PPM1J: variants seen among roughly 807,000 people sequenced by gnomAD.
The protein encoded by PPM1J is protein phosphatase 1J.
PPM1J carries 43 observed loss-of-function variants against 53.3 expected under a neutral mutation model. That is an observed-to-expected ratio of 0.81 (90% confidence interval 0.63 to 1.04). PPM1J has a LOEUF of 1.04. Among genes scored for constraint, PPM1J ranks in the 50% least tolerant of loss-of-function variants. The probability of loss-of-function intolerance (pLI) is 0.00; values close to 1 mark genes in which losing one functional copy is unlikely to be tolerated. For synonymous variants in PPM1J, 267 were observed against 286.4 expected, an observed-to-expected ratio of 0.93 and a Z score of 0.68; for missense variants, 635 against 685.9, an observed-to-expected ratio of 0.93 and a Z score of 0.83.
At chr1:112,714,527 G>A in intron 1 of PPM1J, 1 of 992,442 alleles carries the variant, frequency 1.0e-6, no homozygotes, top group Non-Finnish European at 1.2e-6. Flanking sequence ...TACGGTAAGA[G>A]GGACAGGGAA....
Position 112,711,686 on chromosome 1 carries a change from CG to C in PPM1J, c.927+284del, listed in dbSNP as rs1557783293. Among the ~76,000 whole-genome samples, 5 of 152,178 alleles carry C rather than the reference CG, an allele frequency of 3.3e-5. No individual in the cohort carries two copies. The South Asian group carries it at 1.0e-3, about 31-fold the overall frequency. On this transcript the variant is annotated intron_variant, in intron 5 of 9. Coordinates refer to ENST00000309276, the MANE Select transcript of PPM1J (RefSeq NM_005167.7). ...AGCCACATGCGTTTAGGCACTAAGC[CG>C]GACTGCCTTTCAGGGGCCTTTGCTG...
intron 1 of PPM1J, chr1:112,714,772 G>A (rs1675157099): frequency 3.2e-6 from 4 of 1,265,866 alleles, no homozygotes; most frequent in Admixed American, 4.2e-5. Context: ...GGAAGGACGT[G>A]AAGAAGGTGA....
chr1:112,714,132 A>G, intron 1 of PPM1J: 2 of 1,001,938 alleles, frequency 2.0e-6, no homozygotes, highest in South Asian at 8.5e-5. Context: ...AGATCGGGAA[A>G]GAGGAACTGA....
chr1:112,710,931 T>G, intron 7 of PPM1J, 77 bp downstream of exon 7: 1 of 1,572,078 alleles, frequency 6.4e-7, no homozygotes, highest in Non-Finnish European at 8.8e-7. Context: ...ACCCCTACCC[T>G]CAGGTAGAAC....
At position 112,712,045 on chromosome 1, in the gene PPM1J, CAAT is replaced by C. The variant is rs1557783463; in HGVS notation, c.850_852del (p.Ile284del). 8 of 1,609,048 alleles carry C rather than the reference CAAT, an allele frequency of 5.0e-6. No homozygotes were observed. Among genetic ancestry groups the C allele is most frequent in the East Asian group, 2.2e-5 (1 of 44,738 alleles). ...ATTGGAATGATTTCACCATTCCGGA[CAAT>C]GATGGCCCTGCCCAAAGAAAGAAAA... On this transcript the variant is annotated inframe_deletion, in exon 5 of 10. Transcript: ENST00000309276.
Position 112,711,329 on chromosome 1 carries a change from C to T in PPM1J, c.983G>A (p.Arg328His), listed in dbSNP as rs748270752. ...CCCCAGCTCCTTGGGCAGAACTCTGCGGGGGAACTCAAGGTGGGTGAATTC... is the reference window on the plus strand; with the variant it reads ...CCCCAGCTCCTTGGGCAGAACTCTGTGGGGGAACTCAAGGTGGGTGAATTC... ...GSEFTHLEFP[R>H]RVLPKELGQR... is the part of the protein sequence containing the mutation. The change falls in exon 6 of 10, where the codon CGC becomes CAC. Residue 328 changes from arginine (R) to histidine (H), a missense_variant. Arg to His is a conservative substitution (Grantham distance 29). Transcript: ENST00000309276. 2.8e-5 allele frequency: 45 copies of T among 1,606,786 alleles called. No individual in the cohort carries two copies. In the East Asian group the frequency reaches 3.1e-4, roughly 11 times the overall value.
chr1:112,714,449 C>T (rs1675145557), intron 1 of PPM1J: 3 of 986,110 alleles, frequency 3.0e-6, no homozygotes, highest in African/African-American at 1.7e-5. Flanking sequence ...TCCCCCTCCC[C>T]GCTCCTGGGG....
At position 112,711,022 on chromosome 1, in the gene PPM1J, C is replaced by G. The variant is rs762785979; in HGVS notation, c.1096G>C (p.Gly366Arg). The stretch of plus-strand genomic sequence containing the variant: ...ATGGAGTTTACCTTTTTGCCCTCCC[C>G]ACAGACCAGAGGAAACCTGAGATCC... ...LEDLRFPLVCGEGKKARVMAT... is the reference protein window; with the variant it reads ...LEDLRFPLVCREGKKARVMAT... Residue 366 changes from glycine to arginine, a missense_variant, in exon 7 of 10, where the codon GGG becomes CGG. Coordinates refer to ENST00000309276, the MANE Select transcript of PPM1J (RefSeq NM_005167.7). 7 of 1,614,072 alleles carry G rather than the reference C, an allele frequency of 4.3e-6. No individual in the cohort carries two copies. The East Asian group carries it at 1.6e-4, about 36-fold the overall frequency.
intron 1 of PPM1J, 94 bp from the exon 2 acceptor site, chr1:112,713,705 G>T: frequency 9.6e-7 from 1 of 1,038,808 alleles, no homozygotes; most frequent in Non-Finnish European, 1.5e-6. Context: ...GCGCCCGCTG[G>T]CCAAGCTGAG....
chr1:112,710,838 G>C lies in PPM1J; in HGVS notation c.1124C>G (p.Ala375Gly), dbSNP rs377172855. ...CGEGKKARVM[A>G]TIGVTRGLGD... Reference sequence around the variant, plus strand: ...CAAGCCTCGGGTCACCCCAATGGTGGCCATCACCCGAGCCTGAAAGAAATG... The same window carrying C: ...CAAGCCTCGGGTCACCCCAATGGTGCCCATCACCCGAGCCTGAAAGAAATG... Residue 375 changes from alanine (A) to glycine (G), a missense_variant, in exon 8 of 10, where the codon GCC becomes GGC. Ala to Gly is a moderately conservative substitution (Grantham distance 60). Transcript: ENST00000309276. 13 of 1,613,686 alleles carry C rather than the reference G, an allele frequency of 8.1e-6. No homozygotes were observed. In the African/African-American group the frequency reaches 1.3e-4, roughly 17 times the overall value.
intron 1 of PPM1J, chr1:112,714,439 TC>T: frequency 4.1e-6 from 4 of 985,738 alleles, no homozygotes; most frequent in African/African-American, 3.5e-5. Context: ...ACCCCGGGCG[TC>T]CCCCTCCCCG....
At chr1:112,710,925 CT>C in intron 7 of PPM1J, 74 bp from the exon 8 acceptor site, 1 of 1,588,392 alleles carries the variant, frequency 6.3e-7, no homozygotes, top group Non-Finnish European at 8.6e-7. Flanking sequence ...CCTTCCACCC[CT>C]ACCCTCAGGT....
At position 112,711,283 on chromosome 1, in the gene PPM1J, G is replaced by A. The variant is rs1675052220; in HGVS notation, c.1029C>T (p.Asp343=). Residue 343 remains aspartate, a synonymous_variant, in exon 6 of 10, where the codon GAC becomes GAT. Transcript: ENST00000309276. ...AGTGTTACCAGCCGGTCATGTTCTG[G>A]TCCCGGTACAACATCCTCTGCCCCA... is the stretch of plus-strand genomic sequence containing the variant. The part of the protein sequence containing the change: ...KELGQRMLYR[D]QNMTGWAYKK... 6.2e-7 allele frequency: 1 copy of A among 1,608,704 alleles called. No homozygotes were observed.
Position 112,710,753 on chromosome 1 carries a change from G to T in PPM1J, c.1209C>A (p.Cys403Ter), listed in dbSNP as rs1675037125. 1 of 1,613,972 alleles carries T rather than the reference G, an allele frequency of 6.2e-7. No homozygotes were observed. The highest frequency in any genetic ancestry group is 8.5e-7 in the Non-Finnish European group (1 of 1,179,940). ...STLPIKPFLS[C>*]FPEVRVYDLT... ...GGTTTAAGGGGCTCACCTCAGGGAA[G>T]CAGGAGAGAAAGGGCTTGATGGGCA... Residue 403 changes from cysteine (C) to a stop codon, truncating the protein, a stop_gained, in exon 8 of 10, where the codon TGC becomes TGA. Coordinates refer to ENST00000309276, the MANE Select transcript of PPM1J (RefSeq NM_005167.7). LOFTEE classifies it high-confidence loss of function.
chr1:112,712,875 T>C lies in PPM1J; in HGVS notation c.598A>G (p.Thr200Ala), dbSNP rs765263339. The C allele has an allele frequency of 3.2e-5, 52 of 1,613,492 alleles. No individual in the cohort carries two copies. Among genetic ancestry groups the C allele is most frequent in the South Asian group, 7.7e-5 (7 of 91,034 alleles). Residue 200 changes from threonine (T) to alanine (A), a missense_variant, in exon 3 of 10, where the codon ACC (threonine) becomes GCC (alanine). Transcript: ENST00000309276. Reference protein sequence around the residue: ...DPSPPPLCLPTTPGTPDSSDP... With the variant: ...DPSPPPLCLPATPGTPDSSDP... ...GAGGAATCTGGGGTCCCCGGAGTGG[T>C]TGGGAGGCAGAGGGGTGGTGGCGAA... is the stretch of plus-strand genomic sequence containing the variant.
chr1:112,713,129 C>T, intron 2 of PPM1J, 98 bp from the exon 3 acceptor site: 1 of 1,142,358 alleles, frequency 8.8e-7, no homozygotes, highest in South Asian at 1.6e-5. Context: ...CTCTGGGCAT[C>T]CATACAAACA....
At chr1:112,712,153 G>T in intron 4 of PPM1J, 98 bp from the exon 5 acceptor site, 1 of 1,107,764 alleles carries the variant, frequency 9.0e-7, no homozygotes. Context: ...TGACCTTTCA[G>T]ATCTCTTACC....
chr1:112,712,345 C>T lies in PPM1J; in HGVS notation c.842G>A (p.Arg281Lys), dbSNP rs756176962. The T allele has an allele frequency of 9.5e-5, 153 of 1,608,276 alleles. 1 individual carries two copies. The highest frequency in any genetic ancestry group is 1.7e-5 in the Non-Finnish European group (20 of 1,176,878). ...KVYVANAGDS[R>K]AIIVRNGEII... is the part of the protein sequence containing the mutation. ...CACCTTGGAGCCCCCTCCCCCATAC[C>T]TGCTATCGCCTGCATTGGCCACGTA... is the stretch of plus-strand genomic sequence containing the variant. Residue 281 changes from arginine (R) to lysine (K), a missense_variant and splice_region_variant, in exon 4 of 10, where the codon AGG (arginine) becomes AAG (lysine). Arg to Lys is a conservative substitution (Grantham distance 26). Transcript: ENST00000309276.
chr1:112,713,534 C>T lies in PPM1J; in HGVS notation c.404G>A (p.Ser135Asn). Residue 135 changes from serine (S) to asparagine (N), a missense_variant, in exon 2 of 10, where the codon AGT becomes AAT. Physicochemically the swap from Ser to Asn is conservative, Grantham distance 46. Transcript: ENST00000309276. ...AGGCTCCCTAGGTACTCCTGTAACACTCCTCCGACCTTCCACATACACCAC... is the reference window on the plus strand; with the variant it reads ...AGGCTCCCTAGGTACTCCTGTAACATTCCTCCGACCTTCCACATACACCAC... ...CEVVYVEGRR[S>N]VTGVPREPSR... is the part of the protein sequence containing the mutation. 6.2e-7 allele frequency: 1 copy of T among 1,614,114 alleles called. No homozygotes were observed. Among genetic ancestry groups the T allele is most frequent in the Non-Finnish European group, 8.5e-7 (1 of 1,180,004 alleles).
Sources: gnomAD v4.1 joint callset for allele counts (sites outside exome capture counted in the v4.1 genomes callset) on GRCh38, gnomAD v4.1.1 for gene constraint, MANE v1.5 for transcripts, NCBI Gene and HGNC (gene_info 2026-07-23, HGNC 2026-07-21) for gene names.